The following SECISBP2 variants were observed in gnomAD, a reference collection of about 807,000 sequenced individuals.
SECISBP2 encodes SECIS binding protein 2.
In SECISBP2, 96 loss-of-function variants were observed where a neutral mutation model predicts 98.2. That is an observed-to-expected ratio of 0.98 (90% confidence interval 0.83 to 1.16). The LOEUF is 1.16. Among genes scored for constraint, SECISBP2 ranks in the 50% most tolerant of loss-of-function variants. The pLI, the probability that SECISBP2 is intolerant of heterozygous loss-of-function variation, is 0.00. For missense variants in SECISBP2, 1,046 were observed against 1,022.9 expected (o/e 1.02, Z -0.31); for synonymous variants, 407 against 370.2 (o/e 1.10, Z -1.14).
At chr9:89,320,015 A>C (rs905512180) in intron 2 of SECISBP2, among the ~76,000 whole-genome samples, 3 of 152,008 alleles carry the variant, frequency 2.0e-5, no homozygotes, top group Non-Finnish European at 4.4e-5. Flanking sequence ...ACTCATTGTT[A>C]TTTTCGGCAA....
Position 89,347,048 on chromosome 9 carries a change from G to A in SECISBP2, c.1602G>A (p.Lys534=). 1 of 1,613,810 alleles carries A rather than the reference G, an allele frequency of 6.2e-7. No homozygotes were observed. The change falls in exon 11 of 17, where the codon AAG becomes AAA. Residue 534 remains lysine, a splice_region_variant and synonymous_variant. Coordinates refer to ENST00000375807, the MANE Select transcript of SECISBP2 (RefSeq NM_024077.5). ...CCAAGAAGCCAACCTCACTGAAGAA[G>A]GTATGTGGGGTGTTTCAGCCGAAGT... ...PKAKKPTSLK[K]IILKERQERK...
intron 2 of SECISBP2, chr9:89,324,792 A>G (rs913706398): frequency 6.5e-6 from 1 of 153,308 alleles, no homozygotes; most frequent in African/African-American, 2.4e-5. Flanking sequence ...TGAAACCTGT[A>G]GCCTTGTATC....
chr9:89,325,950 A>C lies in SECISBP2; in HGVS notation c.486A>C (p.Glu162Asp). ...KTYDQQKFDS[E>D]RADGTISSEI... Reference sequence around the variant, plus strand: ...ATGATCAGCAAAAGTTTGACAGTGAAAGGGCTGATGGAACTATATCATCTG... The same window carrying C: ...ATGATCAGCAAAAGTTTGACAGTGACAGGGCTGATGGAACTATATCATCTG... The change falls in exon 4 of 17, where the codon GAA becomes GAC. Residue 162 changes from glutamate (E) to aspartate (D), a missense_variant. Transcript: ENST00000375807. The C allele has an allele frequency of 1.2e-6, 2 of 1,614,090 alleles. No homozygotes were observed. The highest frequency in any genetic ancestry group is 1.7e-6 in the Non-Finnish European group (2 of 1,179,996).
At chr9:89,321,970 CCTT>C (rs1287367203) in intron 2 of SECISBP2, among the ~76,000 whole-genome samples, 3 of 152,218 alleles carry the variant, frequency 2.0e-5, no homozygotes, top group South Asian at 4.1e-4. Context: ...ACTATTTCCT[CCTT>C]CTTACTTGTT....
chr9:89,318,869 G>C, intron 1 of SECISBP2: 1 of 1,254,116 alleles, frequency 8.0e-7, no homozygotes. Flanking sequence ...CAGTGACTGC[G>C]GCCCAGCCCG....
Position 89,357,585 on chromosome 9 carries a change from G to A in SECISBP2, c.2268+20G>A. On this transcript the variant is annotated intron_variant, in intron 15 of 16. Transcript: ENST00000375807. ...GCCCAGGTGAGTGCACAGGGCACAG[G>A]CCTCTTCAGTCACTGCCCGTGGGAG... is the stretch of plus-strand genomic sequence containing the variant. 1 of 1,612,394 alleles carries A rather than the reference G, an allele frequency of 6.2e-7. No homozygotes were observed. Among genetic ancestry groups the A allele is most frequent in the South Asian group, 1.1e-5 (1 of 91,024 alleles).
Position 89,336,518 on chromosome 9 carries a change from A to T in SECISBP2, c.1089+1788A>T, listed in dbSNP as rs75953144. On this transcript the variant is annotated intron_variant, in intron 7 of 16. Coordinates refer to ENST00000375807, the MANE Select transcript of SECISBP2 (RefSeq NM_024077.5). Reference sequence around the variant, plus strand: ...TATGAGGATACTTTTTGATTTCCAAAAATGTAATTAGCCCATTCCACATAA... The same window carrying T: ...TATGAGGATACTTTTTGATTTCCAATAATGTAATTAGCCCATTCCACATAA... Among the ~76,000 whole-genome samples the T allele has an allele frequency of 9.1e-3, 1,381 of 152,290 alleles. 18 individuals are homozygous for T. The highest frequency in any genetic ancestry group is 0.031 in the African/African-American group (1,291 of 41,548).
chr9:89,323,840 T>G (rs1199774785), intron 2 of SECISBP2: 1 of 152,218 alleles, frequency 6.6e-6, no homozygotes, highest in African/African-American at 2.4e-5. Flanking sequence ...ATACCAACTT[T>G]CCAGAGGAGG....
chr9:89,340,859 C>T (rs1328388294), intron 9 of SECISBP2, among the ~76,000 whole-genome samples: 3 of 152,202 alleles, frequency 2.0e-5, no homozygotes, highest in African/African-American at 7.2e-5. Context: ...TTGAGCATAT[C>T]AGACTTTGAG....
intron 1 of SECISBP2, chr9:89,319,117 A>G: frequency 1.1e-6 from 1 of 906,190 alleles, no homozygotes; most frequent in South Asian, 4.6e-5. Flanking sequence ...ATCTTAGTGA[A>G]TTGAAATTTC....
chr9:89,330,532 A>G (rs1431905760), intron 5 of SECISBP2: 2 of 152,284 alleles, frequency 1.3e-5, no homozygotes, highest in Non-Finnish European at 2.9e-5. Context: ...GTGCCTGGAC[A>G]CTAAGGCCTG....
Position 89,348,186 on chromosome 9 carries a change from CCAGTTTCCCGAG to C in SECISBP2, c.1714_1725del (p.Phe572_Gln575del), listed in dbSNP as rs1830717528. On this transcript the variant is annotated inframe_deletion, in exon 12 of 17. Transcript: ENST00000375807. ...AAGATGGAGAGAGTGGTGGTGATGA[CCAGTTTCCCGAG>C]CAGGCAGAGCTGTCAGGTACCAACT... 1 of 1,614,178 alleles carries C rather than the reference CCAGTTTCCCGAG, an allele frequency of 6.2e-7. No individual in the cohort carries two copies. The highest frequency in any genetic ancestry group is 1.6e-4 in the Middle Eastern group (1 of 6,062).
At chr9:89,355,602 T>C (rs936719038) in intron 14 of SECISBP2, 3 of 939,550 alleles carry the variant, frequency 3.2e-6, no homozygotes, top group African/African-American at 3.6e-5. Context: ...AAAAAAAAAA[T>C]TGGCCATGCA....
intron 10 of SECISBP2, among the ~76,000 whole-genome samples, chr9:89,344,110 G>T (rs1031185124): frequency 2.6e-5 from 4 of 152,288 alleles, no homozygotes; most frequent in Non-Finnish European, 5.9e-5. Context: ...TTGGCCACGT[G>T]TATGTCTCTT....
intron 9 of SECISBP2, among the ~76,000 whole-genome samples, chr9:89,340,822 A>T (rs759061359): frequency 6.6e-6 from 1 of 152,210 alleles, no homozygotes; most frequent in Non-Finnish European, 1.5e-5. Flanking sequence ...AACCCAAATC[A>T]CAACAATTTC....
rs1315928483 is a variant in SECISBP2, at chr9:89,346,895, A to G, written c.1449A>G (p.Pro483=). 2.5e-6 allele frequency: 4 copies of G among 1,614,112 alleles called. No individual in the cohort carries two copies. Among genetic ancestry groups the G allele is most frequent in the Non-Finnish European group, 3.4e-6 (4 of 1,180,008 alleles). ...KPVVVSVGAV[P]VLSKECASGE... ...ACTGCGTTTCAGTTGGAGCAGTGCC[A>G]GTCCTTTCCAAAGAATGTGCATCAG... The change falls in exon 11 of 17, where the codon CCA becomes CCG. Residue 483 remains proline (P), a synonymous_variant. Transcript: ENST00000375807.
chr9:89,334,708 A>T lies in SECISBP2; in HGVS notation c.1067A>T (p.His356Leu). 1 of 1,613,588 alleles carries T rather than the reference A, an allele frequency of 6.2e-7. No homozygotes were observed. Among genetic ancestry groups the T allele is most frequent in the Non-Finnish European group, 8.5e-7 (1 of 1,179,858 alleles). The change falls in exon 7 of 17, where the codon CAC becomes CTC. Residue 356 changes from histidine (H) to leucine (L), a missense_variant. Coordinates refer to ENST00000375807, the MANE Select transcript of SECISBP2 (RefSeq NM_024077.5). ...SSDPSYNKEKHIIHPTQKSKA... is the reference protein window; with the variant it reads ...SSDPSYNKEKLIIHPTQKSKA... ...GATCCTTCCTACAACAAAGAAAAACACATTATTCATCCTACCCAAAAGGTA... is the reference window on the plus strand; with the variant it reads ...GATCCTTCCTACAACAAAGAAAAACTCATTATTCATCCTACCCAAAAGGTA...
chr9:89,358,533 T>A (rs189610656), intron 16 of SECISBP2, among the ~76,000 whole-genome samples, 188 bp from the exon 17 acceptor site: 1 of 152,304 alleles, frequency 6.6e-6, no homozygotes, highest in African/African-American at 2.4e-5. Context: ...CCCCAGCTTC[T>A]CCTCAATAAG....
In SECISBP2 at chr9:89,319,775, G is replaced by T. The variant is rs1005777490; in HGVS notation, c.160G>T (p.Val54Phe). ...PSSAATYYPFVQEPPVTEQKI... is the reference protein window; with the variant it reads ...PSSAATYYPFFQEPPVTEQKI... ...CTCTGCAGCCACATACTATCCGTTT[G>T]TTCAGGAACCACCAGTGACAGAGTA... The change falls in exon 2 of 17, where the codon GTT (valine) becomes TTT (phenylalanine). Residue 54 changes from valine to phenylalanine, a missense_variant. Val to Phe is a conservative substitution (Grantham distance 50). Transcript: ENST00000375807. 10 of 1,614,030 alleles carry T rather than the reference G, an allele frequency of 6.2e-6. No individual in the cohort carries two copies. The highest frequency in any genetic ancestry group is 5.0e-5 in the Admixed American group (3 of 59,998).
Sources: gnomAD v4.1 joint callset for allele counts (sites outside exome capture counted in the v4.1 genomes callset) on GRCh38, gnomAD v4.1.1 for gene constraint, MANE v1.5 for transcripts, NCBI Gene and HGNC (gene_info 2026-07-23, HGNC 2026-07-21) for gene names.